The following LAMA4 variants were observed in gnomAD, a reference collection of about 807,000 sequenced individuals.
The protein encoded by LAMA4 is laminin subunit alpha 4.
A neutral mutation model predicts 207.1 loss-of-function variants in LAMA4; 127 were observed. The observed-to-expected ratio is 0.61, with a 90% CI of 0.53 to 0.71. The LOEUF (loss-of-function observed/expected upper bound fraction) is 0.71. Among genes scored for constraint, LAMA4 ranks in the 30% least tolerant of loss-of-function variants. The pLI, the probability that LAMA4 is intolerant of heterozygous loss-of-function variation, is 0.00. For synonymous variants in LAMA4, 761 were observed against 816.0 expected (o/e 0.93, Z 1.15); for missense variants, 2,093 against 2,246.5 (o/e 0.93, Z 1.38).
Position 112,172,721 on chromosome 6 carries a change from A to G in LAMA4, c.1441T>C (p.Tyr481His). 6.2e-7 allele frequency: 1 copy of G among 1,613,860 alleles called. No homozygotes were observed. Among genetic ancestry groups the G allele is most frequent in the Non-Finnish European group, 8.5e-7 (1 of 1,179,814 alleles). ...FPVVLEQLDD[Y>H]NAKLSDLQEA... Reference sequence around the variant, plus strand: ...TGGAGATCTGACAACTTAGCATTGTAGTCATCCAGCTGCTCCAGGACGACA... The same window carrying G: ...TGGAGATCTGACAACTTAGCATTGTGGTCATCCAGCTGCTCCAGGACGACA... The change falls in exon 12 of 39, where the codon TAC becomes CAC. Residue 481 changes from tyrosine (Y) to histidine (H), a missense_variant. Around this residue, in one of 3 missense-constraint regions of LAMA4, gnomAD observed 1,704 missense variants for 1,788.4 expected, o/e 0.95. Coordinates refer to ENST00000230538, the MANE Select transcript of LAMA4 (RefSeq NM_001105206.3).
At chr6:112,193,826 A>G (rs1328534728) in intron 5 of LAMA4, among the ~76,000 whole-genome samples, 3 of 152,214 alleles carry the variant, frequency 2.0e-5, no homozygotes, top group Non-Finnish European at 2.9e-5. Flanking sequence ...GCTGCTATAA[A>G]TGAATGAGTG....
At chr6:112,152,555 A>C (rs1269504032) in intron 16 of LAMA4, among the ~76,000 whole-genome samples, 2 of 152,106 alleles carry the variant, frequency 1.3e-5, no homozygotes, top group Admixed American at 6.6e-5. Context: ...AAGCACTGAG[A>C]ATTTTGTTTC....
At chr6:112,186,683 A>G (rs1554346744) in intron 8 of LAMA4, 1 of 423,768 alleles carries the variant, frequency 2.4e-6, no homozygotes, top group African/African-American at 2.1e-5. Flanking sequence ...ACCACTTATA[A>G]TACTAACACA....
chr6:112,164,661 C>T (rs1781279477), intron 13 of LAMA4, among the ~76,000 whole-genome samples: 1 of 152,170 alleles, frequency 6.6e-6, no homozygotes, highest in South Asian at 2.1e-4. Flanking sequence ...AGAGTAATTT[C>T]ATGATAGTTC....
In LAMA4 at chr6:112,155,745, T is replaced by C. The variant is rs782496006; in HGVS notation, c.1818-39A>G. 29 of 1,608,496 alleles carry C rather than the reference T, an allele frequency of 1.8e-5. 1 individual carries two copies. The South Asian group carries it at 3.1e-4, about 17-fold the overall frequency. On this transcript the variant is annotated intron_variant, in intron 14 of 38. Coordinates refer to ENST00000230538, the MANE Select transcript of LAMA4 (RefSeq NM_001105206.3). ...AACATTGTTATTTCTCCTTCTTACC[T>C]TCTTGGGGAATGGGGCCATGTTTAA...
intron 19 of LAMA4, 88 bp downstream of exon 19, chr6:112,144,696 GCAGAAAGGTC>G (rs1345198155): frequency 8.1e-6 from 11 of 1,364,960 alleles, no homozygotes; most frequent in Non-Finnish European, 1.0e-5. Flanking sequence ...GGAGAATACA[GCAGAAAGGTC>G]CAGGCTCTGG....
intron 8 of LAMA4, chr6:112,187,210 A>T (rs1554346947): frequency 3.2e-5 from 19 of 601,876 alleles, no homozygotes. Context: ...TAGTCATTTC[A>T]TTTCCCATAT....
chr6:112,241,188 TATGAATATATATG>T (rs1786471307), intron 2 of LAMA4, among the ~76,000 whole-genome samples: 1 of 140,568 alleles, frequency 7.1e-6, no homozygotes, highest in Non-Finnish European at 1.6e-5. Context: ...TATGAATATA[TATGAATATATATG>T]ATATATATGA....
intron 12 of LAMA4, 137 bp from the exon 13 acceptor site, chr6:112,165,413 T>A: frequency 1.4e-6 from 1 of 724,276 alleles, no homozygotes; most frequent in Non-Finnish European, 2.6e-6. Flanking sequence ...CCTTGCTGTG[T>A]GCCTTTGGGG....
rs1554342401 is a variant in LAMA4, at chr6:112,172,794, C to T, written c.1368G>A (p.Gln456=). ...EADEAYELLS[Q]AESWQRLHNE... is the part of the protein sequence containing the mutation. ...TGTGCAGCCGCTGCCAGCTCTCAGC[C>T]TGGCTCAGTACTGGGAAGAAATGGA... Residue 456 remains glutamine, a synonymous_variant, in exon 12 of 39, where the codon CAG becomes CAA. Coordinates refer to ENST00000230538, the MANE Select transcript of LAMA4 (RefSeq NM_001105206.3). The T allele has an allele frequency of 3.1e-6, 5 of 1,613,914 alleles. No individual in the cohort carries two copies. The Admixed American group carries it at 6.7e-5, about 22-fold the overall frequency.
At chr6:112,234,191 C>T (rs1785739456) in intron 2 of LAMA4, 2 of 151,986 alleles carry the variant, frequency 1.3e-5, no homozygotes, top group African/African-American at 4.8e-5. Flanking sequence ...CCGTTTGATG[C>T]ATTTTACCCA....
Position 112,129,098 on chromosome 6 carries a change from A to C in LAMA4, c.4134-23T>G, listed in dbSNP as rs371673340. The C allele has an allele frequency of 3.6e-5, 57 of 1,587,428 alleles. No individual in the cohort carries two copies. The African/African-American group carries it at 6.6e-4, about 18-fold the overall frequency. On this transcript the variant is annotated intron_variant, in intron 30 of 38. Transcript: ENST00000230538. The stretch of plus-strand genomic sequence containing the variant: ...ACCCTGTGTTTGTAACAGAGGAAAA[A>C]ATAAATATTAAAAATATTGTTCAGA...
rs1779649684 is a variant in LAMA4, at chr6:112,140,845, C to G, written c.2891G>C (p.Gly964Ala). 2.2e-5 allele frequency: 35 copies of G among 1,613,908 alleles called. No homozygotes were observed. Among genetic ancestry groups the G allele is most frequent in the Non-Finnish European group, 3.0e-5 (35 of 1,179,922 alleles). Residue 964 changes from glycine to alanine, a missense_variant, in exon 22 of 39, where the codon GGG (glycine) becomes GCG (alanine). Physicochemically the swap from Gly to Ala is moderately conservative, Grantham distance 60. This residue lies in a region of LAMA4 where 1,704 missense variants were observed against 1,788.4 expected (regional missense o/e 0.95). Transcript: ENST00000230538. The stretch of plus-strand genomic sequence containing the variant: ...CAGAGAGTCATCTCCCGAAAATTCC[C>G]CCTTTTTAATGAACTTTTCCTCTGC... ...STAEEKFIKK[G>A]EFSGDDSLLD... is the part of the protein sequence containing the mutation.
chr6:112,179,616 T>G (rs1782226486), intron 9 of LAMA4: 1 of 159,736 alleles, frequency 6.3e-6, no homozygotes, highest in Non-Finnish European at 1.4e-5. Flanking sequence ...CTTCTCTCCT[T>G]TCATCCAGTA....
At chr6:112,135,188 A>T (rs963960891) in intron 25 of LAMA4, among the ~76,000 whole-genome samples, 2 of 152,178 alleles carry the variant, frequency 1.3e-5, no homozygotes, top group East Asian at 1.9e-4. Context: ...ATTAGTTTTA[A>T]CTATAGGCTC....
At chr6:112,129,115 T>C in intron 30 of LAMA4, 40 bp from the exon 31 acceptor site, 1 of 1,528,590 alleles carries the variant, frequency 6.5e-7, no homozygotes, top group Non-Finnish European at 9.0e-7. Flanking sequence ...ATTAAAAATA[T>C]TGTTCAGAAT....
At position 112,139,759 on chromosome 6, in the gene LAMA4, A is replaced by G. The variant is rs1779575505; in HGVS notation, c.3103T>C (p.Cys1035Arg). The G allele has an allele frequency of 6.2e-7, 1 of 1,614,026 alleles. No individual in the cohort carries two copies. The highest frequency in any genetic ancestry group is 2.2e-5 in the East Asian group (1 of 44,878). Reference protein sequence around the residue: ...YNMDPSTSVPCARDKLAFTQS... With the variant: ...YNMDPSTSVPRARDKLAFTQS... ...CTCTTAACTGTCTCTTACCGGGCACATGGCACTGATGTGGAGGGGTCCATA... is the reference window on the plus strand; with the variant it reads ...CTCTTAACTGTCTCTTACCGGGCACGTGGCACTGATGTGGAGGGGTCCATA... The change falls in exon 23 of 39, where the codon TGT becomes CGT. Residue 1035 changes from cysteine (C) to arginine (R), a missense_variant. Transcript: ENST00000230538.
At position 112,222,310 on chromosome 6, in the gene LAMA4, C is replaced by T. The variant is rs185392606; in HGVS notation, c.196-5841G>A. 4.0e-3 allele frequency among the ~76,000 whole-genome samples: 608 copies of T among 152,272 alleles called. 13 individuals carry two copies. Among genetic ancestry groups the T allele is most frequent in the East Asian group, 1.2e-3 (6 of 5,188 alleles). On this transcript the variant is annotated intron_variant, in intron 2 of 38. Transcript: ENST00000230538. The stretch of plus-strand genomic sequence containing the variant: ...TTAGGAAAGTGGTTTCAACATTCTT[C>T]GGAGGTTTATGCAGTTCAAAGGCAT...
At chr6:112,219,196 T>C (rs949215976) in intron 2 of LAMA4, 1 of 152,254 alleles carries the variant, frequency 6.6e-6, no homozygotes, top group South Asian at 2.1e-4. Flanking sequence ...AAAAGGCCGA[T>C]ATTTCCAAGT....
Sources: allele counts gnomAD v4.1 joint callset (sites outside exome capture counted in the v4.1 genomes callset), GRCh38; gene constraint gnomAD v4.1.1; regional missense constraint gnomAD v4.1.1; transcripts MANE v1.5; gene names NCBI Gene and HGNC (gene_info 2026-07-23, HGNC 2026-07-21).